The following ZNF845 variants were observed in gnomAD, a reference collection of about 807,000 sequenced individuals.
ZNF845 encodes zinc finger protein 845.
Under a neutral mutation model 76.1 loss-of-function variants are expected in ZNF845, and 59 were observed. The ratio of observed to expected loss-of-function variants is 0.78; its 90% CI spans 0.63 to 0.96. The LOEUF is 0.96. Ranked by LOEUF, ZNF845 falls within the 40% of genes least tolerant of loss-of-function variation. The pLI, the probability that ZNF845 is intolerant of heterozygous loss-of-function variation, is 0.00. For synonymous variants in ZNF845, 361 were observed against 386.9 expected (o/e 0.93, Z 0.78); for missense variants, 1,045 against 1,172.8 (o/e 0.89, Z 1.59).
rs1402247250 is a variant in ZNF845, at chr19:53,354,460, C to G, written c.*872C>G. 1.6e-5 allele frequency: 3 copies of G among 184,914 alleles called. No homozygotes were observed. The highest frequency in any genetic ancestry group is 6.0e-5 in the Admixed American group (1 of 16,644). 11.5% of individuals were successfully genotyped at this position (184,914 alleles called of 1,614,324 possible). The stretch of plus-strand genomic sequence containing the variant: ...CCAAGACCAATAGATCACTTGAGGT[C>G]AGGAGTTTGAGACCAGACTGGCCAA... On this transcript the variant is annotated 3_prime_UTR_variant, in exon 4 of 4. Transcript: ENST00000458035.
intron 3 of ZNF845, among the ~76,000 whole-genome samples, chr19:53,350,233 A>G (rs1472850447): frequency 1.3e-5 from 2 of 152,044 alleles, no homozygotes; most frequent in Non-Finnish European, 2.9e-5. Context: ...TCTTGGGCTC[A>G]AGCAATTCTT....
chr19:53,344,096 C>T (rs1675426385), intron 2 of ZNF845, among the ~76,000 whole-genome samples: 1 of 152,102 alleles, frequency 6.6e-6, no homozygotes, highest in Admixed American at 6.5e-5. Flanking sequence ...GCGTCAGCCT[C>T]CTGAGTAACT....
At position 53,352,556 on chromosome 19, in the gene ZNF845, A is replaced by C. The variant is rs535557564; in HGVS notation, c.1881A>C (p.Arg627=). The C allele has an allele frequency of 1.3e-4, 209 of 1,609,026 alleles. 1 individual carries two copies. Among genetic ancestry groups the C allele is most frequent in the South Asian group, 1.3e-3 (114 of 90,650 alleles). Residue 627 remains arginine (R), a synonymous_variant, in exon 4 of 4, where the codon CGA becomes CGC. Transcript: ENST00000458035. ...RHRSYLAVHW[R]THSGEKPYKC... is the part of the protein sequence containing the mutation. Reference sequence around the variant, plus strand: ...GTTCATACCTTGCAGTTCATTGGCGAACTCATAGTGGAGAGAAACCTTACA... The same window carrying C: ...GTTCATACCTTGCAGTTCATTGGCGCACTCATAGTGGAGAGAAACCTTACA...
At chr19:53,340,113 GTGATCT>G (rs564747424) in intron 1 of ZNF845, among the ~76,000 whole-genome samples, 1,681 of 152,290 alleles carry the variant, frequency 0.011, 12 homozygotes, top group Middle Eastern at 0.031. Flanking sequence ...GTGCAGTGCC[GTGATCT>G]TGGCTCACTG....
Position 53,353,045 on chromosome 19 carries a change from G to A in ZNF845, c.2370G>A (p.Leu790=). 1 of 1,612,666 alleles carries A rather than the reference G, an allele frequency of 6.2e-7. No homozygotes were observed. Among genetic ancestry groups the A allele is most frequent in the Non-Finnish European group, 8.5e-7 (1 of 1,179,630 alleles). Residue 790 remains leucine, a synonymous_variant, in exon 4 of 4, where the codon CTG becomes CTA. Coordinates refer to ENST00000458035, the MANE Select transcript of ZNF845 (RefSeq NM_138374.3). ...AAGCTTTTGGGCGTGATTCACACCT[G>A]GCACAACATACTAGAATTCACACTG... The part of the protein sequence containing the change: ...CDKAFGRDSH[L]AQHTRIHTGE...
At chr19:53,339,192 G>A (rs2085238706) in intron 1 of ZNF845, among the ~76,000 whole-genome samples, 1 of 152,154 alleles carries the variant, frequency 6.6e-6, no homozygotes, top group African/African-American at 2.4e-5. Context: ...GGGAGTTTGA[G>A]GGTTATAGCC....
intron 2 of ZNF845, 68 bp from the exon 3 acceptor site, chr19:53,345,438 C>A (rs754978351): frequency 6.2e-7 from 1 of 1,611,176 alleles, no homozygotes; most frequent in Non-Finnish European, 8.5e-7. Flanking sequence ...CCTCTCTCCT[C>A]TTCTCATTTC....
chr19:53,355,967 C>T lies in ZNF845; in HGVS notation c.*2379C>T, dbSNP rs2085383334. The T allele has an allele frequency of 6.6e-6, 1 of 152,082 alleles. No individual in the cohort carries two copies. The highest frequency in any genetic ancestry group is 2.4e-5 in the African/African-American group (1 of 41,420). 9.4% of individuals were successfully genotyped at this position (152,082 alleles called of 1,614,324 possible). ...GAGTATGTTGAACCATCCTTGCATC[C>T]CATGAATAGGTAGCACTTGGATGTT... On this transcript the variant is annotated 3_prime_UTR_variant, in exon 4 of 4. Transcript: ENST00000458035.
chr19:53,342,376 CA>C (rs2085262734), intron 2 of ZNF845, among the ~76,000 whole-genome samples: 3 of 152,176 alleles, frequency 2.0e-5, no homozygotes, highest in Non-Finnish European at 4.4e-5. Flanking sequence ...CTCAGCCTCC[CA>C]GAGTGCTGGG....
At position 53,351,533 on chromosome 19, in the gene ZNF845, T is replaced by TA; in HGVS notation, c.859dup (p.Thr287AsnfsTer5). 6.2e-7 allele frequency: 1 copy of TA among 1,614,158 alleles called. No individual in the cohort carries two copies. The highest frequency in any genetic ancestry group is 1.1e-5 in the South Asian group (1 of 91,084). ...AGACCTTCAGTCAGGAGTTAACCCT[T>TA]ACATGCCATCATAGACTTCATACTG... On this transcript the variant is annotated frameshift_variant, in exon 4 of 4. Transcript: ENST00000458035. LOFTEE classifies it high-confidence loss of function.
chr19:53,341,622 G>T (rs1477410711), intron 2 of ZNF845, among the ~76,000 whole-genome samples: 1 of 151,982 alleles, frequency 6.6e-6, no homozygotes, highest in African/African-American at 2.4e-5. Context: ...GATTGTTCAG[G>T]GGCCACATCT....
intron 2 of ZNF845, among the ~76,000 whole-genome samples, chr19:53,344,614 T>TG (rs60850414): frequency 0.036 from 4,886 of 134,856 alleles, 313 homozygotes; most frequent in Admixed American, 0.11. Flanking sequence ...ATTTATTTTA[T>TG]TTTATTTTAT....
In ZNF845 at chr19:53,354,248, T is replaced by C; in HGVS notation, c.*660T>C. ...ATCAGAAAATTCATTTTTGAGATGA[T>C]TGTTCCAAATGCAATGAGTATAGCA... On this transcript the variant is annotated 3_prime_UTR_variant, in exon 4 of 4. Transcript: ENST00000458035. The C allele has an allele frequency of 2.1e-6, 1 of 486,638 alleles. No individual in the cohort carries two copies. The highest frequency in any genetic ancestry group is 4.2e-6 in the Non-Finnish European group (1 of 239,178). 30.1% of individuals were successfully genotyped at this position (486,638 alleles called of 1,614,324 possible). A position where few individuals can be genotyped will look rare whatever the true frequency, so the allele number is the denominator to read the frequency against.
At chr19:53,336,620 C>CCTTTCTTT (rs199656573) in intron 1 of ZNF845, among the ~76,000 whole-genome samples, 1 of 139,636 alleles carries the variant, frequency 7.2e-6, no homozygotes, top group Non-Finnish European at 1.5e-5. Context: ...CCTCTTCCTT[C>CCTTTCTTT]CTTTCTTTCT....
At chr19:53,350,167 C>T (rs2085323253) in intron 3 of ZNF845, among the ~76,000 whole-genome samples, 1 of 151,618 alleles carries the variant, frequency 6.6e-6, no homozygotes, top group South Asian at 2.1e-4. Flanking sequence ...GAGATGGACT[C>T]TTGTCACCCA....
chr19:53,353,281 A>C lies in ZNF845; in HGVS notation c.2606A>C (p.Asn869Thr), dbSNP rs1246027965. 6.2e-7 allele frequency: 1 copy of C among 1,613,724 alleles called. No individual in the cohort carries two copies. Among genetic ancestry groups the C allele is most frequent in the South Asian group, 1.1e-5 (1 of 91,056 alleles). Reference sequence around the variant, plus strand: ...TGTAGTGAATGTGGCAAGGTTTTTAATAGAAAAGCAAACCTTTCACGTCAT... The same window carrying C: ...TGTAGTGAATGTGGCAAGGTTTTTACTAGAAAAGCAAACCTTTCACGTCAT... ...YKCSECGKVF[N>T]RKANLSRHHR... Residue 869 changes from asparagine (N) to threonine (T), a missense_variant, in exon 4 of 4, where the codon AAT (asparagine) becomes ACT (threonine). By Grantham distance (65) the Asn-to-Thr change is moderately conservative. Transcript: ENST00000458035.
Position 53,352,480 on chromosome 19 carries a change from A to T in ZNF845, c.1805A>T (p.Asn602Ile). ...TTIANHWRIH[N>I]EERSYKCNRC... ...ATTGCAAATCATTGGAGAATCCATA[A>T]TGAAGAGAGATCGTACAAGTGTAAT... The change falls in exon 4 of 4, where the codon AAT (asparagine) becomes ATT (isoleucine). Residue 602 changes from asparagine to isoleucine, a missense_variant. Physicochemically the swap from Asn to Ile is moderately radical, Grantham distance 149. Transcript: ENST00000458035. 1.2e-6 allele frequency: 2 copies of T among 1,612,958 alleles called. No homozygotes were observed. Among genetic ancestry groups the T allele is most frequent in the Non-Finnish European group, 1.7e-6 (2 of 1,179,378 alleles).
At chr19:53,343,909 C>G (rs2085274894) in intron 2 of ZNF845, among the ~76,000 whole-genome samples, 1 of 152,062 alleles carries the variant, frequency 6.6e-6, no homozygotes, top group Admixed American at 6.6e-5. Flanking sequence ...CAACCTCCAC[C>G]CTCAGGCTCA....
Position 53,350,797 on chromosome 19 carries a change from A to G in ZNF845, c.143-21A>G, listed in dbSNP as rs766514168. 1.7e-5 allele frequency: 27 copies of G among 1,609,372 alleles called. No individual in the cohort carries two copies. The Admixed American group carries it at 3.9e-4, about 23-fold the overall frequency. ...ACCATCTATACTTAAGTGGAAACCT[A>G]TTGGTGTTTATATTTTCTAGATATC... On this transcript the variant is annotated intron_variant, in intron 3 of 3. Transcript: ENST00000458035.
Sources: allele counts gnomAD v4.1 joint callset (sites outside exome capture counted in the v4.1 genomes callset), GRCh38; gene constraint gnomAD v4.1.1; transcripts MANE v1.5; gene names NCBI Gene and HGNC (gene_info 2026-07-23, HGNC 2026-07-21).